ABCB9: variants seen among roughly 807,000 people sequenced by gnomAD.
The protein encoded by ABCB9 is ATP binding cassette subfamily B member 9.
Under a neutral mutation model 62.0 loss-of-function variants are expected in ABCB9, and 36 were observed. The observed-to-expected ratio is 0.58, with a 90% CI of 0.45 to 0.77. The LOEUF is 0.77. Among genes scored for constraint, ABCB9 ranks in the 30% least tolerant of loss-of-function variants. The pLI, the probability that ABCB9 is intolerant of heterozygous loss-of-function variation, is 0.00. For synonymous variants in ABCB9, 435 were observed against 461.4 expected, an observed-to-expected ratio of 0.94 and a Z score of 0.73; for missense variants, 943 against 1,054.7, an observed-to-expected ratio of 0.89 and a Z score of 1.47.
At chr12:122,949,409 T>C (rs899700958) in intron 4 of ABCB9, 4 of 203,708 alleles carry the variant, frequency 2.0e-5, no homozygotes, top group African/African-American at 9.1e-5. Context: ...GTGGATATTC[T>C]ATCGTCTTCC....
At chr12:122,923,749 G>A (rs905145684) in intron 11 of ABCB9, among the ~76,000 whole-genome samples, 4 of 152,130 alleles carry the variant, frequency 2.6e-5, no homozygotes, top group Non-Finnish European at 4.4e-5. Flanking sequence ...TTTCTGAGGA[G>A]AGTTCCTAGA....
chr12:122,935,495 G>A, intron 9 of ABCB9, 64 bp from the exon 10 acceptor site: 1 of 1,553,640 alleles, frequency 6.4e-7, no homozygotes, highest in East Asian at 2.3e-5. Flanking sequence ...GTCCCCAGCA[G>A]CCTTGCTGCC....
chr12:122,949,897 C>T lies in ABCB9; in HGVS notation c.738G>A (p.Arg246=), dbSNP rs2036263338. 1 of 1,614,064 alleles carries T rather than the reference C, an allele frequency of 6.2e-7. No individual in the cohort carries two copies. Among genetic ancestry groups the T allele is most frequent in the Admixed American group, 1.7e-5 (1 of 60,014 alleles). ...AIGSSFAAGI[R]GGIFTLIFAR... is the part of the protein sequence containing the mutation. The stretch of plus-strand genomic sequence containing the variant: ...CAAATATGAGGGTAAAAATGCCGCC[C>T]CGAATACCTGCGGCAAATGAGCTAA... Residue 246 remains arginine, a synonymous_variant, in exon 4 of 12, where the codon CGG becomes CGA. Transcript: ENST00000280560.
At chr12:122,924,588 G>C, downstream of ABCB9, 1 of 1,389,614 alleles carries the variant, frequency 7.2e-7, no homozygotes, top group Non-Finnish European at 9.4e-7. Context: ...CACTGTTCTA[G>C]GCACTGGGGA....
Position 122,959,952 on chromosome 12 carries a change from A to G in ABCB9, c.284T>C (p.Ile95Thr). 1.2e-6 allele frequency: 2 copies of G among 1,613,278 alleles called. No individual in the cohort carries two copies. The highest frequency in any genetic ancestry group is 1.7e-6 in the Non-Finnish European group (2 of 1,179,966). The change falls in exon 2 of 12, where the codon ATC becomes ACC. Residue 95 changes from isoleucine to threonine, a missense_variant. Transcript: ENST00000280560. The surrounding 1 kb of genome is among the most constrained non-coding windows in gnomAD (Gnocchi z 5.4). ...VITLVCLFVG[I>T]YAMVKLLLFS... ...GAGCAGCAGCTTCACCATGGCATAGATGCCCACGAAGAGGCACACGAGGGT... is the reference window on the plus strand; with the variant it reads ...GAGCAGCAGCTTCACCATGGCATAGGTGCCCACGAAGAGGCACACGAGGGT...
rs550385015 is a variant in ABCB9, at chr12:122,960,162, T to C, written c.74A>G (p.Tyr25Cys). 1.2e-6 allele frequency: 2 copies of C among 1,613,592 alleles called. No homozygotes were observed. The highest frequency in any genetic ancestry group is 1.7e-6 in the Non-Finnish European group (2 of 1,180,018). Residue 25 changes from tyrosine (Y) to cysteine (C), a missense_variant, in exon 2 of 12, where the codon TAT (tyrosine) becomes TGT (cysteine). Tyr to Cys is a radical substitution (Grantham distance 194). Coordinates refer to ENST00000280560, the MANE Select transcript of ABCB9 (RefSeq NM_019625.4). ...SVDICVTTAI[Y>C]VFSHLDRSLL... is the part of the protein sequence containing the mutation. ...GCTGCGGTCCAGGTGGCTGAAGACA[T>C]AGATGGCCGTGGTCACGCAGATGTC... is the stretch of plus-strand genomic sequence containing the variant.
chr12:122,957,039 ATT>A (rs60959704), intron 2 of ABCB9, among the ~76,000 whole-genome samples: 6 of 142,586 alleles, frequency 4.2e-5, no homozygotes, highest in African/African-American at 1.3e-4. Context: ...TCCTTCTCCT[ATT>A]TTTTTTTTTT....
intron 7 of ABCB9, among the ~76,000 whole-genome samples, chr12:122,942,278 G>A (rs570979060): frequency 2.6e-5 from 4 of 151,950 alleles, no homozygotes; most frequent in East Asian, 1.9e-4. Context: ...AGCAACAGCC[G>A]GTAGTAAACA....
chr12:122,954,290 C>T (rs1205826655), intron 2 of ABCB9, among the ~76,000 whole-genome samples: 1 of 152,112 alleles, frequency 6.6e-6, no homozygotes, highest in Non-Finnish European at 1.5e-5. Flanking sequence ...CTCACAGCAA[C>T]CTCTGCCTCC....
At chr12:122,972,139 G>C (rs1473305837) in intron 1 of ABCB9, among the ~76,000 whole-genome samples, 2 of 145,540 alleles carry the variant, frequency 1.4e-5, no homozygotes, top group Non-Finnish European at 3.0e-5. Flanking sequence ...CCGCTTCCCA[G>C]GTTTACGCCA....
rs2037277662 is a variant in ABCB9, at chr12:122,972,080, TG to T, written c.-88+2634del. On this transcript the variant is annotated intron_variant, in intron 1 of 11. Coordinates refer to the ABCB9 transcript ENST00000392439. Reference sequence around the variant, plus strand: ...TTTTTGTTGAGACAGAGTCTCACTCTGTCACGCAGGCTGGAGTGCAGTGGTG... The same window carrying T: ...TTTTTGTTGAGACAGAGTCTCACTCTTCACGCAGGCTGGAGTGCAGTGGTG... Among the ~76,000 whole-genome samples the T allele has an allele frequency of 2.1e-5, 3 of 145,516 alleles. 1 individual carries two copies. In the South Asian group the frequency reaches 6.7e-4, roughly 33 times the overall value.
In ABCB9 at chr12:122,960,141, C is replaced by T. The variant is rs767165582; in HGVS notation, c.95G>A (p.Arg32His). ...TAIYVFSHLD[R>H]SLLEDIRHFN... ...GTGGCGGATGTCCTCCAGGAGGCTG[C>T]GGTCCAGGTGGCTGAAGACATAGAT... The change falls in exon 2 of 12, where the codon CGC becomes CAC. Residue 32 changes from arginine to histidine, a missense_variant. Arg to His is a conservative substitution (Grantham distance 29). Transcript: ENST00000280560. The T allele has an allele frequency of 1.2e-5, 20 of 1,613,610 alleles. No individual in the cohort carries two copies. Among genetic ancestry groups the T allele is most frequent in the East Asian group, 4.5e-5 (2 of 44,896 alleles).
At chr12:122,943,844 C>A (rs566860790) in intron 7 of ABCB9, among the ~76,000 whole-genome samples, 7 of 152,108 alleles carry the variant, frequency 4.6e-5, no homozygotes, top group Non-Finnish European at 1.0e-4. Flanking sequence ...GGCGTGATCA[C>A]GGCTCACTGC....
Position 122,959,620 on chromosome 12 carries a change from G to C in ABCB9, c.601+15C>G, listed in dbSNP as rs778213367. 2.6e-6 allele frequency: 4 copies of C among 1,528,040 alleles called. No homozygotes were observed. In the African/African-American group the frequency reaches 5.5e-5, roughly 21 times the overall value. 94.7% of individuals were successfully genotyped at this position (1,528,040 alleles called of 1,614,324 possible). A position where few individuals can be genotyped will look rare whatever the true frequency, so the allele number is the denominator to read the frequency against. ...GATGTTCTGGTGGCCACATGTCCCC[G>C]AGGTCCTTACTTACCCAGAGCTGCC... On this transcript the variant is annotated intron_variant, in intron 2 of 11. Transcript: ENST00000280560. The surrounding 1 kb of genome is among the most constrained non-coding windows in gnomAD (Gnocchi z 5.4).
chr12:122,942,560 G>C (rs113369220), intron 7 of ABCB9, among the ~76,000 whole-genome samples: 1 of 150,572 alleles, frequency 6.6e-6, no homozygotes, highest in Non-Finnish European at 1.5e-5. Context: ...CAGGGGTTGC[G>C]GTGAGCCAAG....
rs149680964 is a variant in ABCB9 at position 122,946,127 on chromosome 12, A to G, written c.1149T>C (p.Asn383=). ...GGTACACCTCTGCCTCCTCCTCCTCATTGGCGAAGCTCCGGACAGTCTTCA... is the reference window on the plus strand; with the variant it reads ...GGTACACCTCTGCCTCCTCCTCCTCGTTGGCGAAGCTCCGGACAGTCTTCA... ...SAMKTVRSFA[N]EEEEAEVYLR... Residue 383 remains asparagine (N), a synonymous_variant, in exon 6 of 12, where the codon AAT becomes AAC. Transcript: ENST00000280560. 2.9e-5 allele frequency: 47 copies of G among 1,613,684 alleles called. No homozygotes were observed. Among genetic ancestry groups the G allele is most frequent in the Non-Finnish European group, 3.9e-5 (46 of 1,179,984 alleles).
In ABCB9 at chr12:122,940,304, A is replaced by T. The variant is rs1489993302; in HGVS notation, c.1570-20T>A. On this transcript the variant is annotated intron_variant, in intron 8 of 11. Coordinates refer to ENST00000280560, the MANE Select transcript of ABCB9 (RefSeq NM_019625.4). The surrounding 1 kb of genome is among the most constrained non-coding windows in gnomAD (Gnocchi z 4.8). ...GACATTCTGCAAAGAACACACAGGC[A>T]CAGTGCGGGGTTATCGGCTCAGGTC... 6.4e-7 allele frequency: 1 copy of T among 1,567,774 alleles called. No individual in the cohort carries two copies. The highest frequency in any genetic ancestry group is 8.7e-7 in the Non-Finnish European group (1 of 1,155,166).
chr12:122,948,384 T>G, intron 5 of ABCB9: 2 of 432,982 alleles, frequency 4.6e-6, no homozygotes, highest in African/African-American at 2.0e-5. Context: ...TCTCTGACAC[T>G]AGATACAAGT....
chr12:122,933,351 G>C (rs1469198875), intron 10 of ABCB9, among the ~76,000 whole-genome samples: 1 of 152,166 alleles, frequency 6.6e-6, no homozygotes, highest in African/African-American at 2.4e-5. Context: ...TCAGGAGATT[G>C]AGACCATCCT....
Sources: gnomAD v4.1 joint callset for allele counts (sites outside exome capture counted in the v4.1 genomes callset) on GRCh38, gnomAD v4.1.1 for gene constraint, Gnocchi (gnomAD v3.1) non-coding constraint, MANE v1.5 for transcripts, NCBI Gene and HGNC (gene_info 2026-07-23, HGNC 2026-07-21) for gene names.